Variants in C8orf34 observed in about 807,000 individuals in gnomAD.
The protein encoded by C8orf34 is chromosome 8 open reading frame 34.
Under a neutral mutation model 68.3 loss-of-function variants are expected in C8orf34, and 65 were observed. The observed-to-expected ratio is 0.95, with a 90% CI of 0.78 to 1.17. The LOEUF is 1.17. Ranked by LOEUF, C8orf34 falls within the 50% of genes most tolerant of loss-of-function variation. The pLI, the probability that C8orf34 is intolerant of heterozygous loss-of-function variation, is 0.00. For synonymous variants in C8orf34, 244 were observed against 241.2 expected (o/e 1.01, Z -0.11); for missense variants, 664 against 655.4 (o/e 1.01, Z -0.14).
In C8orf34 at chr8:68,625,155, TGGG is replaced by T. The variant is rs1818501919; in HGVS notation, c.1106-15220_1106-15218del. Among the ~76,000 whole-genome samples, 4 of 152,040 alleles carry T rather than the reference TGGG, an allele frequency of 2.6e-5. No homozygotes were observed. In the East Asian group the frequency reaches 7.7e-4, roughly 29 times the overall value. On this transcript the variant is annotated intron_variant, in intron 7 of 13. Transcript: ENST00000518698. The stretch of plus-strand genomic sequence containing the variant: ...ATGAATGTAGGGAGAGAACACAGTA[TGGG>T]TTAGCTAGGTAAAGGCTTCTGGGGT...
At position 68,505,663 on chromosome 8, in the gene C8orf34, G is replaced by A. The variant is rs1011450329; in HGVS notation, c.766-16136G>A. On this transcript the variant is annotated intron_variant, in intron 5 of 13. Coordinates refer to ENST00000518698, the MANE Select transcript of C8orf34 (RefSeq NM_052958.4). Reference sequence around the variant, plus strand: ...GGAGAATGGCGTGAACCCGGGAAGCGGAGCTTGCCGTGAGCCGAGATTGCG... The same window carrying A: ...GGAGAATGGCGTGAACCCGGGAAGCAGAGCTTGCCGTGAGCCGAGATTGCG... Among the ~76,000 whole-genome samples the A allele has an allele frequency of 8.1e-5, 8 of 99,070 alleles. 1 individual carries two copies. Among genetic ancestry groups the A allele is most frequent in the South Asian group, 5.3e-4 (2 of 3,742 alleles). 65.0% of individuals were successfully genotyped at this position (99,070 alleles called of 152,430 possible). A position where few individuals can be genotyped will look rare whatever the true frequency, so the allele number is the denominator to read the frequency against.
intron 7 of C8orf34, among the ~76,000 whole-genome samples, chr8:68,561,823 A>G (rs1177506971): frequency 6.6e-6 from 1 of 152,142 alleles, no homozygotes; most frequent in African/African-American, 2.4e-5. Context: ...AAACACACAC[A>G]TTAGCCTGGG....
chr8:68,662,365 CT>C (rs1819705867), intron 8 of C8orf34, among the ~76,000 whole-genome samples: 1 of 152,064 alleles, frequency 6.6e-6, no homozygotes, highest in South Asian at 2.1e-4. Flanking sequence ...CATTGAATTC[CT>C]TTAGGAAGTG....
intron 7 of C8orf34, chr8:68,533,721 A>G (rs942237782): frequency 1.2e-5 from 11 of 948,614 alleles, no homozygotes; most frequent in African/African-American, 1.8e-5. Flanking sequence ...ATCTTTTTAT[A>G]TTTTTTAATG....
chr8:68,742,564 C>A (rs1477106318), intron 10 of C8orf34, among the ~76,000 whole-genome samples: 1 of 152,158 alleles, frequency 6.6e-6, no homozygotes, highest in Non-Finnish European at 1.5e-5. Context: ...TAAAAATGTA[C>A]TTCTTTGTCT....
intron 8 of C8orf34, among the ~76,000 whole-genome samples, chr8:68,694,517 CT>C (rs1183421723): frequency 1.3e-5 from 2 of 152,074 alleles, no homozygotes; most frequent in Non-Finnish European, 2.9e-5. Flanking sequence ...TCTATTCTTG[CT>C]TAAAAACCTT....
intron 1 of C8orf34, among the ~76,000 whole-genome samples, chr8:68,394,913 A>G (rs1338677216): frequency 6.6e-6 from 1 of 152,080 alleles, no homozygotes; most frequent in Admixed American, 6.6e-5. Flanking sequence ...TTCTAACTTA[A>G]TGAATCATAC....
intron 10 of C8orf34, among the ~76,000 whole-genome samples, chr8:68,743,549 G>A (rs776916602): frequency 2.0e-5 from 3 of 152,158 alleles, no homozygotes; most frequent in Admixed American, 6.5e-5. Context: ...GCCGAACCAG[G>A]GCGAGGCATT....
chr8:68,341,234 G>T (rs1806056856), intron 1 of C8orf34, among the ~76,000 whole-genome samples: 1 of 152,130 alleles, frequency 6.6e-6, no homozygotes, highest in Admixed American at 6.5e-5. Context: ...GCTCTCTTGG[G>T]ACTCTTCTAA....
chr8:68,605,101 A>T (rs1817816540), intron 7 of C8orf34, among the ~76,000 whole-genome samples: 1 of 152,162 alleles, frequency 6.6e-6, no homozygotes, highest in African/African-American at 2.4e-5. Context: ...TAAGCACTTG[A>T]AAATGTGCTC....
chr8:68,574,059 A>G (rs116305645), intron 7 of C8orf34, among the ~76,000 whole-genome samples: 1 of 152,254 alleles, frequency 6.6e-6, no homozygotes, highest in African/African-American at 2.4e-5. Context: ...TTGACTACCA[A>G]ATTATTTTTC....
chr8:68,551,602 T>C (rs538850529), intron 7 of C8orf34, among the ~76,000 whole-genome samples: 1 of 152,220 alleles, frequency 6.6e-6, no homozygotes, highest in South Asian at 2.1e-4. Context: ...TGTCTTGTAG[T>C]TCTTTCCTGA....
intron 1 of C8orf34, among the ~76,000 whole-genome samples, chr8:68,332,391 C>T (rs1424894632): frequency 1.8e-5 from 1 of 54,802 alleles, no homozygotes; most frequent in Admixed American, 1.7e-4. Flanking sequence ...TGCCCCCGCC[C>T]CCCACGTCTC....
chr8:68,695,305 G>A (rs958928572), intron 8 of C8orf34, among the ~76,000 whole-genome samples: 1 of 151,816 alleles, frequency 6.6e-6, no homozygotes, highest in Non-Finnish European at 1.5e-5. Flanking sequence ...CCGCCACCAC[G>A]TCTGGCTAAA....
intron 10 of C8orf34, among the ~76,000 whole-genome samples, chr8:68,767,488 C>T (rs1224337635): frequency 1.3e-5 from 2 of 152,252 alleles, no homozygotes; most frequent in East Asian, 1.9e-4. Flanking sequence ...GGACATTTGA[C>T]CTGTAATATT....
intron 6 of C8orf34, among the ~76,000 whole-genome samples, chr8:68,524,876 T>C (rs562157947): frequency 6.6e-6 from 1 of 152,332 alleles, no homozygotes; most frequent in East Asian, 1.9e-4. Context: ...TTTGTAAATA[T>C]GCTCATTAAG....
At chr8:68,768,652 C>T (rs535580974) in intron 10 of C8orf34, among the ~76,000 whole-genome samples, 1 of 152,252 alleles carries the variant, frequency 6.6e-6, no homozygotes, top group Non-Finnish European at 1.5e-5. Context: ...AATACTGATA[C>T]ATCTAACAAT....
intron 1 of C8orf34, among the ~76,000 whole-genome samples, chr8:68,360,238 C>T (rs1252271968): frequency 6.6e-6 from 1 of 152,122 alleles, no homozygotes; most frequent in Admixed American, 6.5e-5. Context: ...CCAAATTAGT[C>T]CTGACACTCA....
intron 5 of C8orf34, among the ~76,000 whole-genome samples, chr8:68,517,723 C>T (rs1285810796): frequency 6.6e-6 from 1 of 152,172 alleles, no homozygotes; most frequent in Admixed American, 6.5e-5. Context: ...ACCTTTTTCA[C>T]TCTTTGGCTT....
Sources: gnomAD v4.1 joint callset for allele counts (sites outside exome capture counted in the v4.1 genomes callset) on GRCh38, gnomAD v4.1.1 for gene constraint, MANE v1.5 for transcripts, NCBI Gene and HGNC (gene_info 2026-07-23, HGNC 2026-07-21) for gene names.